The following SNTG1 variants were observed in gnomAD, a reference collection of about 807,000 sequenced individuals.
The protein encoded by SNTG1 is syntrophin gamma 1.
In SNTG1, 39 loss-of-function variants were observed where a neutral mutation model predicts 74.7. The ratio of observed to expected loss-of-function variants is 0.52; its 90% CI spans 0.40 to 0.68. The LOEUF (loss-of-function observed/expected upper bound fraction) is 0.68. SNTG1 is among the 30% of genes least tolerant of loss of function. The probability of loss-of-function intolerance (pLI) is 0.00; values close to 1 mark genes in which losing one functional copy is unlikely to be tolerated. For missense variants in SNTG1, 685 were observed against 609.5 expected (o/e 1.12, Z -1.30); for synonymous variants, 254 against 217.1 (o/e 1.17, Z -1.49).
At chr8:50,215,333 C>T (rs1284866671) in intron 2 of SNTG1, among the ~76,000 whole-genome samples, 1 of 149,808 alleles carries the variant, frequency 6.7e-6, no homozygotes, top group African/African-American at 2.4e-5. Flanking sequence ...ATATTGGATA[C>T]CTCAGTTTGA....
At chr8:50,229,330 T>C (rs1330851118) in intron 2 of SNTG1, among the ~76,000 whole-genome samples, 1 of 151,520 alleles carries the variant, frequency 6.6e-6, no homozygotes. Context: ...TATACCCAAG[T>C]GTATGCTGAT....
chr8:50,151,092 T>G (rs2082052279), intron 1 of SNTG1, among the ~76,000 whole-genome samples: 2 of 152,180 alleles, frequency 1.3e-5, no homozygotes, highest in Non-Finnish European at 2.9e-5. Flanking sequence ...TTTCAGAGCC[T>G]GTTATTGGTC....
intron 1 of SNTG1, among the ~76,000 whole-genome samples, chr8:50,161,003 G>C (rs1288855280): frequency 6.6e-6 from 1 of 152,164 alleles, no homozygotes; most frequent in Non-Finnish European, 1.5e-5. Context: ...CATATTTAGA[G>C]AATGGCAATG....
rs192305517 is a variant in SNTG1, at chr8:50,490,382, A to G, written c.364-12396A>G. ...TGGGCAGTAAGGCCATTTTCACGATATTGATTCTTCCTATCCATGTGCATG... is the reference window on the plus strand; with the variant it reads ...TGGGCAGTAAGGCCATTTTCACGATGTTGATTCTTCCTATCCATGTGCATG... On this transcript the variant is annotated intron_variant, in intron 8 of 18. Coordinates refer to ENST00000642720, the MANE Select transcript of SNTG1 (RefSeq NM_018967.5). Among the ~76,000 whole-genome samples the G allele has an allele frequency of 1.7e-3, 260 of 152,252 alleles. 1 individual carries two copies. The highest frequency in any genetic ancestry group is 6.0e-3 in the African/African-American group (251 of 41,536).
chr8:50,619,730 C>CG (rs1260571467), intron 13 of SNTG1, among the ~76,000 whole-genome samples: 13 of 114,622 alleles, frequency 1.1e-4, no homozygotes, highest in African/African-American at 4.6e-4. Context: ...GACTCCGTCT[C>CG]GAAAAAAAAA....
intron 8 of SNTG1, among the ~76,000 whole-genome samples, chr8:50,475,185 A>T (rs2131778463): frequency 6.6e-6 from 1 of 152,008 alleles, no homozygotes; most frequent in East Asian, 1.9e-4. Context: ...TATGTAACAA[A>T]CCTGCACGTT....
At chr8:50,140,657 A>C (rs1408156948) in intron 1 of SNTG1, among the ~76,000 whole-genome samples, 2 of 152,016 alleles carry the variant, frequency 1.3e-5, no homozygotes, top group Non-Finnish European at 2.9e-5. Context: ...GCACATACAT[A>C]ATACAAACTC....
At chr8:50,062,110 C>G (rs940713397) in intron 1 of SNTG1, among the ~76,000 whole-genome samples, 1 of 152,162 alleles carries the variant, frequency 6.6e-6, no homozygotes, top group African/African-American at 2.4e-5. Flanking sequence ...GTGGTGCTAT[C>G]TCGCCTCATT....
At chr8:50,586,956 A>T (rs1277741500) in intron 12 of SNTG1, among the ~76,000 whole-genome samples, 5 of 152,102 alleles carry the variant, frequency 3.3e-5, no homozygotes, top group Admixed American at 6.5e-5. Context: ...TTCATGTAAT[A>T]ACCCCTAAAT....
At chr8:50,552,201 T>A (rs573536032) in intron 11 of SNTG1, among the ~76,000 whole-genome samples, 72 of 152,344 alleles carry the variant, frequency 4.7e-4, no homozygotes, top group African/African-American at 1.7e-3. Context: ...CTTTGGCTAG[T>A]TTCCATCCAT....
At chr8:50,127,883 T>G (rs1010018376) in intron 1 of SNTG1, among the ~76,000 whole-genome samples, 9 of 152,170 alleles carry the variant, frequency 5.9e-5, no homozygotes, top group Non-Finnish European at 1.0e-4. Context: ...TGTGTCTGCC[T>G]CTGAGCAGCC....
rs1243403211 is a variant in SNTG1, at chr8:50,322,927, C to G, written c.-27-71285C>G. Among the ~76,000 whole-genome samples the G allele has an allele frequency of 2.0e-5, 3 of 151,824 alleles. No homozygotes were observed. The South Asian group carries it at 6.3e-4, about 32-fold the overall frequency. On this transcript the variant is annotated intron_variant, in intron 2 of 18. Transcript: ENST00000642720. ...GGTCAGGAGTTTGAGACCAGCCTGG[C>G]TAACATGGTAAAATCCCATCTCTAC...
At chr8:50,770,497 A>C (rs1349915751) in intron 18 of SNTG1, among the ~76,000 whole-genome samples, 1 of 152,040 alleles carries the variant, frequency 6.6e-6, no homozygotes, top group African/African-American at 2.4e-5. Flanking sequence ...AAGACCCAGC[A>C]CCTCAGAACC....
chr8:50,758,810 T>A (rs561504453), intron 18 of SNTG1, among the ~76,000 whole-genome samples: 2 of 152,244 alleles, frequency 1.3e-5, no homozygotes, highest in South Asian at 4.1e-4. Flanking sequence ...TATAGCAGAA[T>A]GGTTTATAAC....
intron 1 of SNTG1, among the ~76,000 whole-genome samples, chr8:49,936,138 G>T (rs892119890): frequency 6.6e-6 from 1 of 152,106 alleles, no homozygotes; most frequent in Non-Finnish European, 1.5e-5. Context: ...AAGAACTAGG[G>T]GTCATTGCAA....
intron 1 of SNTG1, among the ~76,000 whole-genome samples, chr8:49,935,590 C>A (rs1168905624): frequency 6.6e-6 from 1 of 151,038 alleles, no homozygotes; most frequent in East Asian, 1.9e-4. Context: ...CAAATGCACA[C>A]CGGCTCCCAT....
intron 8 of SNTG1, among the ~76,000 whole-genome samples, chr8:50,476,870 A>ACACACACACT (rs1370518211): frequency 6.6e-6 from 1 of 151,554 alleles, no homozygotes; most frequent in East Asian, 1.9e-4. Context: ...ACACACACAC[A>ACACACACACT]CACACACACA....
intron 2 of SNTG1, among the ~76,000 whole-genome samples, chr8:50,198,789 T>A (rs997665889): frequency 6.6e-6 from 1 of 152,090 alleles, no homozygotes; most frequent in East Asian, 1.9e-4. Flanking sequence ...GCCAATACAC[T>A]ATGATCTTGG....
intron 2 of SNTG1, among the ~76,000 whole-genome samples, chr8:50,255,677 A>G (rs1586858665): frequency 6.6e-6 from 1 of 152,126 alleles, no homozygotes; most frequent in African/African-American, 2.4e-5. Context: ...CTGCATGTTT[A>G]TGTCTAAATG....
Sources: allele counts gnomAD v4.1 joint callset (sites outside exome capture counted in the v4.1 genomes callset), GRCh38; gene constraint gnomAD v4.1.1; transcripts MANE v1.5; gene names NCBI Gene and HGNC (gene_info 2026-07-23, HGNC 2026-07-21).